FHIT: variants seen among roughly 807,000 people sequenced by gnomAD.
FHIT encodes the protein bis(5'-adenosyl)-triphosphatase.
FHIT carries 19 observed loss-of-function variants against 17.9 expected under a neutral mutation model. That is an observed-to-expected ratio of 1.06 (90% confidence interval 0.74 to 1.56). The LOEUF is 1.56. Among genes scored for constraint, FHIT ranks in the 40% most tolerant of loss-of-function variants. The probability of loss-of-function intolerance (pLI) is 0.00; values close to 1 mark genes in which losing one functional copy is unlikely to be tolerated. For synonymous variants in FHIT, 81 were observed against 69.7 expected (o/e 1.16, Z -0.81); for missense variants, 248 against 189.2 (o/e 1.31, Z -1.82).
At chr3:60,249,453 A>C (rs979214064) in intron 5 of FHIT, among the ~76,000 whole-genome samples, 1 of 152,138 alleles carries the variant, frequency 6.6e-6, no homozygotes, top group Non-Finnish European at 1.5e-5. Flanking sequence ...TGGTGAGGAC[A>C]ACTGGCAAAA....
intron 4 of FHIT, among the ~76,000 whole-genome samples, chr3:60,783,842 G>T (rs1206616703): frequency 3.3e-5 from 5 of 152,146 alleles, no homozygotes; most frequent in Non-Finnish European, 5.9e-5. Context: ...CAAGGCAAGG[G>T]CTCAGAAGAC....
At chr3:60,052,558 G>C (rs1365829662) in intron 5 of FHIT, among the ~76,000 whole-genome samples, 4 of 151,884 alleles carry the variant, frequency 2.6e-5, no homozygotes, top group African/African-American at 9.7e-5. Context: ...CCTAGAAATC[G>C]ATCTGTCATA....
At chr3:60,173,915 A>ATG (rs1701544924) in intron 5 of FHIT, among the ~76,000 whole-genome samples, 1 of 66,444 alleles carries the variant, frequency 1.5e-5, no homozygotes, top group African/African-American at 6.3e-5. Context: ...ATATATATAT[A>ATG]TGTTTTTTTT....
chr3:60,589,467 C>T (rs144618750), intron 4 of FHIT, among the ~76,000 whole-genome samples: 49 of 152,198 alleles, frequency 3.2e-4, no homozygotes, highest in South Asian at 1.5e-3. Context: ...ACATTTACAT[C>T]GTTCTTTTGA....
At chr3:59,769,956 A>G (rs760690728) in intron 8 of FHIT, among the ~76,000 whole-genome samples, 18 of 152,226 alleles carry the variant, frequency 1.2e-4, no homozygotes, top group Non-Finnish European at 2.4e-4. Context: ...TGATGGTCAA[A>G]TGACAGAATT....
chr3:60,957,301 G>A (rs556033334), intron 3 of FHIT, among the ~76,000 whole-genome samples: 19 of 139,560 alleles, frequency 1.4e-4, no homozygotes, highest in South Asian at 7.0e-4. Flanking sequence ...GCAGTGGCGC[G>A]ATCTCAGCTC....
At chr3:60,450,641 G>C (rs1347627294) in intron 5 of FHIT, among the ~76,000 whole-genome samples, 1 of 152,154 alleles carries the variant, frequency 6.6e-6, no homozygotes, top group Non-Finnish European at 1.5e-5. Context: ...GTGGGTTCCA[G>C]AGAGTTCCAG....
At chr3:60,939,062 G>C (rs1708307939) in intron 3 of FHIT, among the ~76,000 whole-genome samples, 1 of 152,138 alleles carries the variant, frequency 6.6e-6, no homozygotes. Context: ...CAGATAAAAA[G>C]CAGTCAATTA....
At chr3:60,566,393 T>A (rs960512242) in intron 4 of FHIT, among the ~76,000 whole-genome samples, 2 of 152,052 alleles carry the variant, frequency 1.3e-5, no homozygotes, top group Middle Eastern at 3.2e-3. Context: ...AAAAGGCCTT[T>A]GACAAAATTC....
intron 5 of FHIT, among the ~76,000 whole-genome samples, chr3:60,243,904 G>C (rs1302691467): frequency 6.6e-6 from 1 of 152,114 alleles, no homozygotes; most frequent in African/African-American, 2.4e-5. Context: ...TGTTCTGTAA[G>C]AGTCAGCAGG....
intron 5 of FHIT, among the ~76,000 whole-genome samples, chr3:60,187,435 T>A (rs1702203124): frequency 2.6e-5 from 4 of 152,180 alleles, no homozygotes; most frequent in Admixed American, 2.6e-4. Flanking sequence ...CTTGGATTGT[T>A]CCATTGCTGG....
At chr3:60,437,974 A>G (rs532247060) in intron 5 of FHIT, among the ~76,000 whole-genome samples, 1 of 152,276 alleles carries the variant, frequency 6.6e-6, no homozygotes, top group East Asian at 1.9e-4. Context: ...ATTAAGATAC[A>G]GTATGATTGT....
At chr3:60,200,000 A>G (rs2107490555) in intron 5 of FHIT, among the ~76,000 whole-genome samples, 1 of 152,302 alleles carries the variant, frequency 6.6e-6, no homozygotes, top group African/African-American at 2.4e-5. Context: ...GTTGTACCTT[A>G]TAACATTTTT....
At chr3:60,779,087 A>G (rs1427055523) in intron 4 of FHIT, among the ~76,000 whole-genome samples, 9 of 152,190 alleles carry the variant, frequency 5.9e-5, no homozygotes, top group African/African-American at 1.9e-4. Context: ...ATCAGTGCCA[A>G]TCCAAAAAGC....
chr3:60,308,157 A>G, intron 5 of FHIT, among the ~76,000 whole-genome samples: 1 of 152,120 alleles, frequency 6.6e-6, no homozygotes, highest in East Asian at 1.9e-4. Context: ...AAGGAGTCAG[A>G]CTTCAGTCAG....
chr3:60,459,447 G>C (rs1027162560), intron 5 of FHIT, among the ~76,000 whole-genome samples: 1 of 152,166 alleles, frequency 6.6e-6, no homozygotes, highest in African/African-American at 2.4e-5. Flanking sequence ...CAGCTATTAA[G>C]GTAGATAAAT....
Position 61,171,722 on chromosome 3 carries a change from A to C in FHIT, c.-164+28895T>G, listed in dbSNP as rs113637796. Among the ~76,000 whole-genome samples, 1,337 of 152,342 alleles carry C rather than the reference A, an allele frequency of 8.8e-3. 18 individuals carry two copies. Among genetic ancestry groups the C allele is most frequent in the African/African-American group, 0.03 (1,243 of 41,568 alleles). ...AATGAAATGGCAACAAATTTCCACA[A>C]GTCTTTTTACTCAAAGTGTGGTGGC... On this transcript the variant is annotated intron_variant, in intron 2 of 9. Coordinates refer to ENST00000492590, the MANE Select transcript of FHIT (RefSeq NM_002012.4).
intron 4 of FHIT, among the ~76,000 whole-genome samples, chr3:60,776,817 A>C (rs1190737610): frequency 6.6e-6 from 1 of 152,234 alleles, no homozygotes; most frequent in Non-Finnish European, 1.5e-5. Flanking sequence ...TGGAAATGTA[A>C]ACTTTTGCCT....
chr3:60,996,063 T>C (rs2030652113), intron 3 of FHIT, among the ~76,000 whole-genome samples: 1 of 152,220 alleles, frequency 6.6e-6, no homozygotes, highest in Admixed American at 6.5e-5. Context: ...TAAAAATTAG[T>C]TCTGAACTGT....
Sources: gnomAD v4.1 joint callset for allele counts (sites outside exome capture counted in the v4.1 genomes callset) on GRCh38, gnomAD v4.1.1 for gene constraint, MANE v1.5 for transcripts, NCBI Gene and HGNC (gene_info 2026-07-23, HGNC 2026-07-21) for gene names.